Variants in PRUNE2 observed in about 807,000 individuals in gnomAD.
The protein encoded by PRUNE2 is prune homolog 2 with BCH domain.
A neutral mutation model predicts 252.0 loss-of-function variants in PRUNE2; 164 were observed. That is an observed-to-expected ratio of 0.65 (90% confidence interval 0.57 to 0.74). PRUNE2 has a LOEUF of 0.74. Among genes scored for constraint, PRUNE2 ranks in the 30% least tolerant of loss-of-function variants. The pLI is 0.00. For missense variants in PRUNE2, 3,495 were observed against 3,711.0 expected, an observed-to-expected ratio of 0.94 and a Z score of 1.51; for synonymous variants, 1,292 against 1,350.2, an observed-to-expected ratio of 0.96 and a Z score of 0.94.
At position 76,644,851 on chromosome 9, in the gene PRUNE2, G is replaced by A. The variant is rs769149031; in HGVS notation, c.8616C>T (p.Ala2872=). Residue 2872 remains alanine, a synonymous_variant, in exon 12 of 19, where the codon GCC becomes GCT. Transcript: ENST00000376718. ...QESESIPEYT[A]EEEREDNRLW... ...GCCGGTTGTCCTCCCGTTCCTCTTC[G>A]GCCGTATATTCTGGAATAGACTCTG... 1.7e-5 allele frequency: 27 copies of A among 1,613,720 alleles called. No individual in the cohort carries two copies. The highest frequency in any genetic ancestry group is 1.1e-4 in the East Asian group (5 of 44,868).
chr9:76,635,708 A>C (rs1028075882), intron 15 of PRUNE2, among the ~76,000 whole-genome samples: 2 of 152,244 alleles, frequency 1.3e-5, no homozygotes, highest in African/African-American at 4.8e-5. Context: ...GAATTTTTAA[A>C]AGAAATTCAT....
intron 1 of PRUNE2, among the ~76,000 whole-genome samples, chr9:76,902,393 T>C (rs1210826369): frequency 2.6e-5 from 4 of 152,180 alleles, no homozygotes; most frequent in African/African-American, 9.7e-5. Flanking sequence ...ATATAGGATT[T>C]GATTTCTGCA....
chr9:76,899,226 T>C (rs957064889), intron 1 of PRUNE2, among the ~76,000 whole-genome samples: 2 of 152,234 alleles, frequency 1.3e-5, no homozygotes, highest in Non-Finnish European at 2.9e-5. Flanking sequence ...TGTTGGCTGA[T>C]CTACCCAATG....
intron 6 of PRUNE2, among the ~76,000 whole-genome samples, chr9:76,764,237 CAAATAAATAAAT>C (rs921843579): frequency 1.6e-5 from 2 of 122,656 alleles, no homozygotes; most frequent in Non-Finnish European, 3.2e-5. Flanking sequence ...AACAAACAAA[CAAATAAATAAAT>C]AAATAAATAA....
chr9:76,759,146 TCAC>T (rs2051444724), intron 6 of PRUNE2: 1 of 152,172 alleles, frequency 6.6e-6, no homozygotes, highest in Non-Finnish European at 1.5e-5. Context: ...CCTTGCCTGC[TCAC>T]CTCCCCGTCT....
chr9:76,655,711 T>C (rs1243498203), intron 9 of PRUNE2, among the ~76,000 whole-genome samples: 2 of 152,160 alleles, frequency 1.3e-5, no homozygotes, highest in African/African-American at 4.8e-5. Flanking sequence ...TTCACTTGCT[T>C]ACATCAAGTC....
chr9:76,780,719 A>AC (rs1453474778), intron 6 of PRUNE2, among the ~76,000 whole-genome samples: 1 of 152,054 alleles, frequency 6.6e-6, no homozygotes, highest in African/African-American at 2.4e-5. Flanking sequence ...AAACAAACAA[A>AC]AACAAGCAGC....
intron 6 of PRUNE2, among the ~76,000 whole-genome samples, chr9:76,776,990 T>C (rs1369782467): frequency 6.7e-6 from 1 of 149,398 alleles, no homozygotes; most frequent in Non-Finnish European, 1.5e-5. Flanking sequence ...TTCTCGGCAC[T>C]CCTAAACTGT....
intron 1 of PRUNE2, among the ~76,000 whole-genome samples, chr9:76,893,257 AAAC>A (rs1193629778): frequency 6.6e-6 from 1 of 152,220 alleles, no homozygotes; most frequent in Non-Finnish European, 1.5e-5. Context: ...AAAACAAAAC[AAAC>A]AACAATAACA....
intron 3 of PRUNE2, among the ~76,000 whole-genome samples, chr9:76,848,475 T>C (rs1372002297): frequency 6.6e-6 from 1 of 152,208 alleles, no homozygotes; most frequent in Non-Finnish European, 1.5e-5. Context: ...AAACTCCTCA[T>C]AAGTAAATGA....
At chr9:76,775,859 G>A (rs1313010395) in intron 6 of PRUNE2, among the ~76,000 whole-genome samples, 2 of 152,086 alleles carry the variant, frequency 1.3e-5, no homozygotes, top group Non-Finnish European at 2.9e-5. Flanking sequence ...CCTTTAGCTC[G>A]GACCAACACC....
chr9:76,739,143 T>C (rs1008331396), intron 6 of PRUNE2: 1 of 152,138 alleles, frequency 6.6e-6, no homozygotes, highest in Non-Finnish European at 1.5e-5. Context: ...TATCCCATTT[T>C]CCACAAAGAA....
chr9:76,665,577 C>T (rs1022182978), intron 9 of PRUNE2, among the ~76,000 whole-genome samples: 2 of 152,198 alleles, frequency 1.3e-5, no homozygotes, highest in Non-Finnish European at 2.9e-5. Flanking sequence ...ACATGAATCT[C>T]CTGGGGGACA....
At chr9:76,782,177 G>A (rs2054487131) in intron 6 of PRUNE2, among the ~76,000 whole-genome samples, 3 of 151,914 alleles carry the variant, frequency 2.0e-5, no homozygotes, top group South Asian at 2.1e-4. Flanking sequence ...TGGTGCCACT[G>A]CACTCCAGCC....
At chr9:76,792,200 C>T (rs749316537) in intron 6 of PRUNE2, among the ~76,000 whole-genome samples, 1 of 152,040 alleles carries the variant, frequency 6.6e-6, no homozygotes, top group Non-Finnish European at 1.5e-5. Context: ...GGCTCTTTCC[C>T]ATGCTGTTCT....
intron 15 of PRUNE2, among the ~76,000 whole-genome samples, chr9:76,630,216 T>G (rs1465282901): frequency 6.6e-6 from 1 of 152,056 alleles, no homozygotes; most frequent in Non-Finnish European, 1.5e-5. Context: ...TAAAAATATA[T>G]GTAAACTCAT....
At chr9:76,867,953 C>T (rs2060942671) in intron 1 of PRUNE2, among the ~76,000 whole-genome samples, 1 of 152,122 alleles carries the variant, frequency 6.6e-6, no homozygotes, top group Non-Finnish European at 1.5e-5. Flanking sequence ...TTTATCCTGG[C>T]TACAAATTAA....
At chr9:76,659,121 G>A (rs956400920) in intron 9 of PRUNE2, among the ~76,000 whole-genome samples, 1 of 152,208 alleles carries the variant, frequency 6.6e-6, no homozygotes, top group Non-Finnish European at 1.5e-5. Context: ...CAGAGGCCTC[G>A]ATGAAAGCTT....
At chr9:76,728,771 G>T (rs914697325) in intron 6 of PRUNE2, among the ~76,000 whole-genome samples, 6 of 152,198 alleles carry the variant, frequency 3.9e-5, no homozygotes, top group African/African-American at 1.4e-4. Flanking sequence ...TGTTATCTCT[G>T]CACCTTTAGG....
Sources: allele counts gnomAD v4.1 joint callset (sites outside exome capture counted in the v4.1 genomes callset), GRCh38; gene constraint gnomAD v4.1.1; transcripts MANE v1.5; gene names NCBI Gene and HGNC (gene_info 2026-07-23, HGNC 2026-07-21).